The following OAS2 variants were observed in gnomAD, a reference collection of about 807,000 sequenced individuals.
OAS2 encodes the protein 2'-5'-oligoadenylate synthetase 2.
A neutral mutation model predicts 71.3 loss-of-function variants in OAS2; 67 were observed. The observed-to-expected ratio is 0.94, with a 90% CI of 0.77 to 1.15. OAS2 has a LOEUF of 1.15. OAS2 is among the 50% of genes most tolerant of loss of function. The pLI is 0.00. For missense variants in OAS2, 789 were observed against 822.5 expected (o/e 0.96, Z 0.50); for synonymous variants, 327 against 321.8 (o/e 1.02, Z -0.17).
chr12:113,009,087 G>A lies in OAS2; in HGVS notation c.1896G>A (p.Arg632=), dbSNP rs2044358536. 6.2e-7 allele frequency: 1 copy of A among 1,612,824 alleles called. No individual in the cohort carries two copies. ...KFLLSQLQKT[R]PVILDPAEPT... is the part of the protein sequence containing the mutation. ...TAATGCCTTCTAACCTCTCATTCAG[G>A]CCTGTGATCTTGGACCCAGCCGAAC... is the stretch of plus-strand genomic sequence containing the variant. The change falls in exon 10 of 10, where the codon AGG becomes AGA. Residue 632 remains arginine (R), a splice_region_variant and synonymous_variant. Transcript: ENST00000392583.
At chr12:112,998,106 G>A in intron 4 of OAS2, 160 bp from the exon 5 acceptor site, 1 of 719,578 alleles carries the variant, frequency 1.4e-6, no homozygotes, top group Non-Finnish European at 2.3e-6. Context: ...CAGGGCCAGA[G>A]GGGCTTGATG....
intron 8 of OAS2, 26 bp from the exon 9 acceptor site, chr12:113,007,679 C>A (rs759862638): frequency 1.3e-6 from 2 of 1,591,430 alleles, no homozygotes; most frequent in South Asian, 1.1e-5. Flanking sequence ...CTAACCAGTT[C>A]GTCTGATGTT....
At chr12:112,979,749 G>C (rs890646391) in intron 1 of OAS2, among the ~76,000 whole-genome samples, 3 of 152,040 alleles carry the variant, frequency 2.0e-5, no homozygotes, top group Non-Finnish European at 4.4e-5. Flanking sequence ...CAGCCCCCCA[G>C]AGCCCTGGGC....
intron 7 of OAS2, among the ~76,000 whole-genome samples, chr12:113,005,511 C>A (rs2044323905): frequency 6.6e-6 from 1 of 151,828 alleles, no homozygotes; most frequent in Admixed American, 6.6e-5. Flanking sequence ...CGTGCCACTG[C>A]ACTCCAGCCT....
At chr12:112,994,958 C>CA (rs1367616643) in intron 2 of OAS2, among the ~76,000 whole-genome samples, 1 of 152,206 alleles carries the variant, frequency 6.6e-6, no homozygotes, top group East Asian at 1.9e-4. Context: ...TATGCCAACA[C>CA]AAACAATTTT....
Position 113,002,968 on chromosome 12 carries a change from G to A in OAS2, c.1045G>A (p.Asp349Asn). 1 of 1,614,054 alleles carries A rather than the reference G, an allele frequency of 6.2e-7. No individual in the cohort carries two copies. Among genetic ancestry groups the A allele is most frequent in the Non-Finnish European group, 8.5e-7 (1 of 1,179,950 alleles). Reference sequence around the variant, plus strand: ...CTTCACGACCCCAGGCCACCTTCTGGATAAGTTCATCAAGGAGTTTCTCCA... The same window carrying A: ...CTTCACGACCCCAGGCCACCTTCTGAATAAGTTCATCAAGGAGTTTCTCCA... The part of the protein sequence containing the change: ...PLFTTPGHLL[D>N]KFIKEFLQPN... Residue 349 changes from aspartate (D) to asparagine (N), a missense_variant, in exon 6 of 10, where the codon GAT becomes AAT. Coordinates refer to ENST00000392583, the MANE Select transcript of OAS2 (RefSeq NM_002535.3).
chr12:112,989,388 C>G (rs916791885), intron 2 of OAS2, among the ~76,000 whole-genome samples: 7 of 152,128 alleles, frequency 4.6e-5, no homozygotes, highest in African/African-American at 1.7e-4. Context: ...TGAGAACAGA[C>G]TAATACAATA....
intron 2 of OAS2, among the ~76,000 whole-genome samples, chr12:112,991,841 C>T (rs2044195230): frequency 6.6e-6 from 1 of 152,124 alleles, no homozygotes; most frequent in Admixed American, 6.6e-5. Flanking sequence ...ACTATAAGCT[C>T]CATGAGGACA....
chr12:112,994,712 G>A (rs762082569), intron 2 of OAS2, among the ~76,000 whole-genome samples: 51 of 152,104 alleles, frequency 3.4e-4, no homozygotes, highest in Non-Finnish European at 4.4e-4. Flanking sequence ...ATGAGCCACC[G>A]TGCCTGGCTA....
chr12:112,998,114 A>G, intron 4 of OAS2, 152 bp from the exon 5 acceptor site: 2 of 767,918 alleles, frequency 2.6e-6, no homozygotes, highest in Middle Eastern at 2.4e-4. Context: ...GAGGGGCTTG[A>G]TGTCGTAGAC....
At chr12:112,995,018 T>A (rs989645148) in intron 2 of OAS2, among the ~76,000 whole-genome samples, 1 of 152,246 alleles carries the variant, frequency 6.6e-6, no homozygotes, top group East Asian at 1.9e-4. Context: ...CCTTTCTCGT[T>A]TATAATTCCA....
chr12:112,986,608 A>G (rs2044138251), intron 1 of OAS2, among the ~76,000 whole-genome samples: 1 of 152,178 alleles, frequency 6.6e-6, no homozygotes, highest in African/African-American at 2.4e-5. Context: ...CCTGGGCAGC[A>G]CATGTGGATG....
At chr12:113,000,144 T>C (rs2044270659) in intron 5 of OAS2, among the ~76,000 whole-genome samples, 1 of 152,212 alleles carries the variant, frequency 6.6e-6, no homozygotes, top group Admixed American at 6.5e-5. Flanking sequence ...AGAACAAGAA[T>C]ATTCTCTTCA....
chr12:113,010,093 T>A lies in OAS2; in HGVS notation c.*838T>A. On this transcript the variant is annotated 3_prime_UTR_variant, in exon 10 of 10. Transcript: ENST00000392583. The stretch of plus-strand genomic sequence containing the variant: ...CACCCAGTTGTGACAATTAAAAGTG[T>A]CTTGAGACTTTATCATGTGTCTTCT... 1.0e-5 allele frequency: 11 copies of A among 1,099,710 alleles called. No homozygotes were observed. The highest frequency in any genetic ancestry group is 1.2e-5 in the Non-Finnish European group (11 of 902,924). 68.1% of individuals were successfully genotyped at this position (1,099,710 alleles called of 1,614,324 possible).
intron 4 of OAS2, among the ~76,000 whole-genome samples, 193 bp from the exon 5 acceptor site, chr12:112,998,073 A>G (rs2044251776): frequency 1.3e-5 from 2 of 152,184 alleles, no homozygotes; most frequent in Non-Finnish European, 2.9e-5. Flanking sequence ...TATTAATAGA[A>G]TGTCTCTGTA....
At chr12:112,988,735 T>A in intron 2 of OAS2, 1 of 985,326 alleles carries the variant, frequency 1.0e-6, no homozygotes, top group East Asian at 1.1e-4. Context: ...GGCGCATTCC[T>A]CCTTCTCCTT....
Position 113,007,735 on chromosome 12 carries a change from T to C in OAS2, c.1687T>C (p.Leu563=). Residue 563 remains leucine, a synonymous_variant, in exon 9 of 10, where the codon TTG becomes CTG. Transcript: ENST00000392583. ...AAGGAAACTGAAGCCAAAGGGGTCT[T>C]TGCCCCCAAAGTATGCCTTGGAGCT... ...CERKLKPKGS[L]PPKYALELLT... 6.2e-7 allele frequency: 1 copy of C among 1,614,090 alleles called. No individual in the cohort carries two copies. Among genetic ancestry groups the C allele is most frequent in the African/African-American group, 1.3e-5 (1 of 75,034 alleles).
rs978314828 is a variant in OAS2 at position 112,978,520 on chromosome 12, G to C, written c.-89G>C. 67 of 1,440,162 alleles carry C rather than the reference G, an allele frequency of 4.7e-5. No homozygotes were observed. The highest frequency in any genetic ancestry group is 6.2e-5 in the Non-Finnish European group (64 of 1,032,378). 89.2% of individuals were successfully genotyped at this position (1,440,162 alleles called of 1,614,324 possible). A position where few individuals can be genotyped will look rare whatever the true frequency, so the allele number is the denominator to read the frequency against. On this transcript the variant is annotated 5_prime_UTR_variant, in exon 1 of 10. Coordinates refer to ENST00000392583, the MANE Select transcript of OAS2 (RefSeq NM_002535.3). This position sits in a 1 kb window ranked among gnomAD's most constrained non-coding sequence, Gnocchi z 4.2. ...GGTGGAGAGAGGCCTCTAGACTTCA[G>C]TTTCAGTTTCCTGGCTCTGGGCAGC... is the stretch of plus-strand genomic sequence containing the variant.
chr12:112,986,425 C>A (rs2044136077), intron 1 of OAS2, among the ~76,000 whole-genome samples: 2 of 152,122 alleles, frequency 1.3e-5, no homozygotes, highest in African/African-American at 2.4e-5. Context: ...AACCCTCAGG[C>A]CCTCAAGTGG....
Sources: allele counts gnomAD v4.1 joint callset (sites outside exome capture counted in the v4.1 genomes callset), GRCh38; gene constraint gnomAD v4.1.1; non-coding constraint Gnocchi (gnomAD v3.1); transcripts MANE v1.5; gene names NCBI Gene and HGNC (gene_info 2026-07-23, HGNC 2026-07-21).